The following ADCY1 variants were observed in gnomAD, a reference collection of about 807,000 sequenced individuals.
ADCY1 encodes adenylate cyclase type 1.
Under a neutral mutation model 105.4 loss-of-function variants are expected in ADCY1, and 28 were observed. The observed-to-expected ratio is 0.27, with a 90% CI of 0.20 to 0.36. The LOEUF (loss-of-function observed/expected upper bound fraction) is 0.36. Ranked by LOEUF, ADCY1 falls within the 10% of genes least tolerant of loss-of-function variation. The probability of loss-of-function intolerance (pLI) is 1.00; values close to 1 mark genes in which losing one functional copy is unlikely to be tolerated. For missense variants in ADCY1, 977 were observed against 1,434.2 expected, an observed-to-expected ratio of 0.68 and a Z score of 5.15; for synonymous variants, 655 against 623.8, an observed-to-expected ratio of 1.05 and a Z score of -0.75.
rs770722593 is a variant in ADCY1 at position 45,703,755 on chromosome 7, G to T, written c.2718+9G>T. On this transcript the variant is annotated intron_variant, in intron 16 of 19. Coordinates refer to ENST00000297323, the MANE Select transcript of ADCY1 (RefSeq NM_021116.4). This position sits in a 1 kb window ranked among gnomAD's most constrained non-coding sequence, Gnocchi z 5.9. ...TCGCCGACTTTGACGAGGTGAGGCTGTGCGTCGCCATCCTGACCCCGCCTG... is the reference window on the plus strand; with the variant it reads ...TCGCCGACTTTGACGAGGTGAGGCTTTGCGTCGCCATCCTGACCCCGCCTG... 3.2e-6 allele frequency: 5 copies of T among 1,565,072 alleles called. No individual in the cohort carries two copies. The South Asian group carries it at 6.1e-5, about 19-fold the overall frequency.
intron 2 of ADCY1, among the ~76,000 whole-genome samples, chr7:45,610,176 C>T (rs977066826): frequency 3.3e-5 from 5 of 152,290 alleles, no homozygotes; most frequent in South Asian, 2.1e-4. Context: ...TGAGGAGCGC[C>T]GCAGGGAGGC....
chr7:45,660,956 G>T (rs1017204987), intron 7 of ADCY1, among the ~76,000 whole-genome samples: 2 of 145,350 alleles, frequency 1.4e-5, no homozygotes, highest in African/African-American at 5.1e-5. Flanking sequence ...TCATGGCTCA[G>T]GTGAGATGTT....
intron 1 of ADCY1, among the ~76,000 whole-genome samples, chr7:45,583,367 T>C (rs1792619870): frequency 6.6e-6 from 1 of 152,238 alleles, no homozygotes; most frequent in South Asian, 2.1e-4. Context: ...CCAGAAGTGC[T>C]GGGAGCCCTG....
At chr7:45,596,829 A>G (rs904575508) in intron 2 of ADCY1, among the ~76,000 whole-genome samples, 1 of 152,006 alleles carries the variant, frequency 6.6e-6, no homozygotes, top group African/African-American at 2.4e-5. Flanking sequence ...CACAGAGGGG[A>G]GCTCCTGAGC....
At chr7:45,605,735 C>T (rs1022756877) in intron 2 of ADCY1, among the ~76,000 whole-genome samples, 1 of 152,102 alleles carries the variant, frequency 6.6e-6, no homozygotes, top group African/African-American at 2.4e-5. Context: ...TTCTAAAGTG[C>T]ATTCGTAGTT....
intron 8 of ADCY1, among the ~76,000 whole-genome samples, chr7:45,664,983 A>G (rs1025869017): frequency 2.0e-5 from 3 of 151,912 alleles, no homozygotes; most frequent in Non-Finnish European, 4.4e-5. Context: ...CCCTGTATCC[A>G]TGTATTCTCA....
intron 10 of ADCY1, among the ~76,000 whole-genome samples, chr7:45,679,075 A>AT (rs201726252): frequency 7.9e-5 from 12 of 151,898 alleles, no homozygotes; most frequent in Admixed American, 3.9e-4. Flanking sequence ...ATTTTATTTT[A>AT]TTTTTTTTGC....
intron 2 of ADCY1, 28 bp from the exon 3 acceptor site, chr7:45,610,351 C>G: frequency 2.5e-6 from 4 of 1,593,618 alleles, no homozygotes; most frequent in Non-Finnish European, 3.4e-6. Context: ...GCCCTGCTGT[C>G]TAACCCGGGC....
chr7:45,699,759 G>C (rs2471276), intron 14 of ADCY1, among the ~76,000 whole-genome samples: 55,840 of 152,090 alleles, frequency 0.37, 11,969 homozygotes, highest in South Asian at 0.63. Context: ...GCTAGGTTGC[G>C]CAGCAGTCGC....
rs71030884 is a variant in ADCY1 at position 45,635,601 on chromosome 7, G to GTTTTTT, written c.1020+12881_1020+12886dup. On this transcript the variant is annotated intron_variant, in intron 4 of 19. Coordinates refer to ENST00000297323, the MANE Select transcript of ADCY1 (RefSeq NM_021116.4). ...TTCAAAATACTTTCTAATTTCTCTT[G>GTTTTTT]TTTTTTTTTTTTTTTTTTTTTTTTT... Among the ~76,000 whole-genome samples, 21 of 57,198 alleles carry GTTTTTT rather than the reference G, an allele frequency of 3.7e-4. 2 individuals are homozygous for GTTTTTT. The highest frequency in any genetic ancestry group is 5.6e-4 in the African/African-American group (8 of 14,372). 37.5% of individuals were successfully genotyped at this position (57,198 alleles called of 152,430 possible). A position where few individuals can be genotyped will look rare whatever the true frequency, so the allele number is the denominator to read the frequency against.
intron 4 of ADCY1, among the ~76,000 whole-genome samples, chr7:45,636,960 G>C (rs1157833294): frequency 6.6e-6 from 1 of 152,190 alleles, no homozygotes; most frequent in Non-Finnish European, 1.5e-5. Flanking sequence ...ATGTGGTTAG[G>C]TTTGGTCTGT....
In ADCY1 at chr7:45,656,479, G is replaced by A. The variant is rs148770820; in HGVS notation, c.1149-1248G>A. Among the ~76,000 whole-genome samples, 615 of 152,350 alleles carry A rather than the reference G, an allele frequency of 4.0e-3. 7 individuals carry two copies. The highest frequency in any genetic ancestry group is 0.022 in the Admixed American group (335 of 15,310). On this transcript the variant is annotated intron_variant, in intron 5 of 19. Transcript: ENST00000297323. ...TGTGGTCTGGGCAGCCATCTGCCTT[G>A]GAGTGGCTGCTGGGGCCTCCATGTG... is the stretch of plus-strand genomic sequence containing the variant.
chr7:45,669,596 T>C (rs990370359), intron 8 of ADCY1, among the ~76,000 whole-genome samples: 1 of 152,216 alleles, frequency 6.6e-6, no homozygotes, highest in African/African-American at 2.4e-5. Context: ...CTGAGAAGAA[T>C]GTATATTCTG....
At position 45,717,873 on chromosome 7, in the gene ADCY1, A is replaced by C. The variant is rs1785239285; in HGVS notation, c.*3878A>C. 1 of 152,640 alleles carries C rather than the reference A, an allele frequency of 6.6e-6. No homozygotes were observed. Among genetic ancestry groups the C allele is most frequent in the African/African-American group, 2.4e-5 (1 of 41,460 alleles). 9.5% of individuals were successfully genotyped at this position (152,640 alleles called of 1,614,324 possible). A position where few individuals can be genotyped will look rare whatever the true frequency, so the allele number is the denominator to read the frequency against. On this transcript the variant is annotated 3_prime_UTR_variant, in exon 20 of 20. Transcript: ENST00000297323. The stretch of plus-strand genomic sequence containing the variant: ...GGGCTTCTGGAACACCTGTCATAGA[A>C]GCAATAACTCTAACTCTATACTGTA...
intron 8 of ADCY1, among the ~76,000 whole-genome samples, chr7:45,669,830 A>G (rs985375717): frequency 2.6e-5 from 4 of 152,206 alleles, no homozygotes; most frequent in African/African-American, 9.6e-5. Context: ...ATTCTGTTGC[A>G]TTTTTTTGAT....
rs1442406219 is a variant in ADCY1, at chr7:45,648,805, C to A, written c.1148+8C>A. ...CATGATTGATACCATCACGTAAGTA[C>A]CCCGTGGGGCTGAGAGGAGTGGCCT... On this transcript the variant is annotated splice_region_variant and intron_variant, in intron 5 of 19. Transcript: ENST00000297323. 2 of 1,613,406 alleles carry A rather than the reference C, an allele frequency of 1.2e-6. No individual in the cohort carries two copies. Among genetic ancestry groups the A allele is most frequent in the Admixed American group, 1.7e-5 (1 of 59,986 alleles).
At chr7:45,610,850 T>TGGGGAGGTGATGG (rs1194246422) in intron 3 of ADCY1, among the ~76,000 whole-genome samples, 5 of 11,242 alleles carry the variant, frequency 4.4e-4, no homozygotes, top group African/African-American at 3.6e-4. Flanking sequence ...GGAGGCGATA[T>TGGGGAGGTGATGG]TGGAGTTGTG....
At chr7:45,693,292 T>A (rs550469875) in intron 14 of ADCY1, among the ~76,000 whole-genome samples, 1,656 of 148,116 alleles carry the variant, frequency 0.011, 18 homozygotes, top group Middle Eastern at 0.031. Context: ...GGTCTAAAAT[T>A]CTCTTTTTTG....
In ADCY1 at chr7:45,708,903, C is replaced by T. The variant is rs570528811; in HGVS notation, c.2932+439C>T. Among the ~76,000 whole-genome samples the T allele has an allele frequency of 7.2e-5, 11 of 152,200 alleles. No homozygotes were observed. The highest frequency in any genetic ancestry group is 2.4e-4 in the African/African-American group (10 of 41,548). On this transcript the variant is annotated intron_variant, in intron 18 of 19. Coordinates refer to ENST00000297323, the MANE Select transcript of ADCY1 (RefSeq NM_021116.4). This position sits in a 1 kb window ranked among gnomAD's most constrained non-coding sequence, Gnocchi z 4.7. The stretch of plus-strand genomic sequence containing the variant: ...TCCAGGCTCCTTCCCTCACCTGTGT[C>T]GTGAGGAGGAAAAACCATTGGATGC...
Sources: allele counts gnomAD v4.1 joint callset (sites outside exome capture counted in the v4.1 genomes callset), GRCh38; gene constraint gnomAD v4.1.1; non-coding constraint Gnocchi (gnomAD v3.1); transcripts MANE v1.5; gene names NCBI Gene and HGNC (gene_info 2026-07-23, HGNC 2026-07-21).